HTR7: variants seen among roughly 807,000 people sequenced by gnomAD.
HTR7 encodes the protein 5-HT-7.
HTR7 carries 16 observed loss-of-function variants against 34.0 expected under a neutral mutation model. The observed-to-expected ratio is 0.47, with a 90% CI of 0.32 to 0.71. The LOEUF (loss-of-function observed/expected upper bound fraction) is 0.71. Ranked by LOEUF, HTR7 falls within the 30% of genes least tolerant of loss-of-function variation. The probability of loss-of-function intolerance (pLI) is 0.04; values close to 1 mark genes in which losing one functional copy is unlikely to be tolerated. For missense variants in HTR7, 504 were observed against 625.5 expected (o/e 0.81, Z 2.07); for synonymous variants, 265 against 260.2 (o/e 1.02, Z -0.18).
intron 1 of HTR7, among the ~76,000 whole-genome samples, chr10:90,839,175 G>A (rs1197106710): frequency 6.6e-6 from 1 of 152,164 alleles, no homozygotes; most frequent in African/African-American, 2.4e-5. Context: ...AGGGGCCTGT[G>A]GAACTCAGAA....
intron 1 of HTR7, among the ~76,000 whole-genome samples, chr10:90,810,369 C>T (rs1398068874): frequency 6.6e-6 from 1 of 152,082 alleles, no homozygotes; most frequent in Non-Finnish European, 1.5e-5. Context: ...GCAACCCTTA[C>T]CATCTCATTA....
intron 1 of HTR7, among the ~76,000 whole-genome samples, chr10:90,847,368 T>G (rs1846426742): frequency 6.6e-6 from 1 of 151,422 alleles, no homozygotes; most frequent in Non-Finnish European, 1.5e-5. Flanking sequence ...AAGCAGTTGG[T>G]GGCTAAGTGT....
At chr10:90,779,840 C>T (rs1047263244) in intron 1 of HTR7, among the ~76,000 whole-genome samples, 1 of 152,162 alleles carries the variant, frequency 6.6e-6, no homozygotes, top group Non-Finnish European at 1.5e-5. Context: ...ACACAAATGC[C>T]TAACACACAT....
Position 90,857,839 on chromosome 10 carries a change from GA to G in HTR7, c.-169del. 1.7e-6 allele frequency: 1 copy of G among 596,306 alleles called. No homozygotes were observed. Among genetic ancestry groups the G allele is most frequent in the Non-Finnish European group, 2.4e-6 (1 of 413,488 alleles). 36.9% of individuals were successfully genotyped at this position (596,306 alleles called of 1,614,324 possible). A position where few individuals can be genotyped will look rare whatever the true frequency, so the allele number is the denominator to read the frequency against. ...CTGTCTCGGAGCCCCGCACTCCCCG[GA>G]CCCCCGGCCGCTGCGGGTAACGCGG... On this transcript the variant is annotated 5_prime_UTR_variant, in exon 1 of 4. Transcript: ENST00000336152. The surrounding 1 kb of genome is among the most constrained non-coding windows in gnomAD (Gnocchi z 6.5).
chr10:90,777,239 T>A (rs1010069015), intron 1 of HTR7, among the ~76,000 whole-genome samples: 3 of 151,834 alleles, frequency 2.0e-5, no homozygotes, highest in African/African-American at 7.3e-5. Context: ...TCCCAGCACT[T>A]TGGGAGGCTG....
chr10:90,809,410 C>A (rs1158179553), intron 1 of HTR7, among the ~76,000 whole-genome samples: 1 of 152,154 alleles, frequency 6.6e-6, no homozygotes, highest in Non-Finnish European at 1.5e-5. Flanking sequence ...TCTTTACAGC[C>A]CTAGACCCTA....
At chr10:90,800,203 T>C (rs1294448950) in intron 1 of HTR7, among the ~76,000 whole-genome samples, 1 of 80,838 alleles carries the variant, frequency 1.2e-5, no homozygotes, top group Admixed American at 1.3e-4. Context: ...ATACATTGAT[T>C]TGAGAATGTA....
intron 1 of HTR7, among the ~76,000 whole-genome samples, chr10:90,802,862 T>C (rs1845650191): frequency 6.6e-6 from 1 of 152,222 alleles, no homozygotes; most frequent in Admixed American, 6.5e-5. Context: ...CATGGACAGC[T>C]TTTGATTTCC....
At position 90,857,446 on chromosome 10, in the gene HTR7, A is replaced by T. The variant is rs1327681567; in HGVS notation, c.226T>A (p.Tyr76Asn). 1.2e-6 allele frequency: 2 copies of T among 1,613,900 alleles called. No individual in the cohort carries two copies. The highest frequency in any genetic ancestry group is 2.7e-5 in the African/African-American group (2 of 74,948). ...ATCACAACTTTCTCGACTCTGCCGT[A>T]GTTGATCTGTTCCCCACAGCCGGAG... ...NASGCGEQIN[Y>N]GRVEKVVIGS... The change falls in exon 1 of 4, where the codon TAC becomes AAC. Residue 76 changes from tyrosine (Y) to asparagine (N), a missense_variant. Coordinates refer to ENST00000336152, the MANE Select transcript of HTR7 (RefSeq NM_019859.4). The surrounding 1 kb of genome is among the most constrained non-coding windows in gnomAD (Gnocchi z 6.5).
intron 1 of HTR7, among the ~76,000 whole-genome samples, chr10:90,802,571 G>A (rs920647311): frequency 2.0e-5 from 3 of 152,196 alleles, no homozygotes; most frequent in African/African-American, 7.2e-5. Context: ...AGATTTTAGA[G>A]ATCTCTTATT....
chr10:90,811,210 T>G (rs1202461592), intron 1 of HTR7, among the ~76,000 whole-genome samples: 2 of 152,170 alleles, frequency 1.3e-5, no homozygotes, highest in East Asian at 3.9e-4. Context: ...CCTGTAGCCT[T>G]TTTGTCCAAA....
chr10:90,799,146 A>G (rs1036627484), intron 1 of HTR7, among the ~76,000 whole-genome samples: 6 of 152,140 alleles, frequency 3.9e-5, no homozygotes, highest in African/African-American at 1.4e-4. Flanking sequence ...GCCCCTATCC[A>G]GGAACTAACA....
intron 3 of HTR7, among the ~76,000 whole-genome samples, chr10:90,742,965 T>A (rs112177811): frequency 4.9e-4 from 75 of 152,078 alleles, no homozygotes; most frequent in African/African-American, 1.8e-3. Context: ...CCAAGAAACT[T>A]CACTTCTCTC....
rs765828970 is a variant in HTR7 at position 90,857,529 on chromosome 10, A to C, written c.143T>G (p.Leu48Arg). 1 of 1,608,028 alleles carries C rather than the reference A, an allele frequency of 6.2e-7. No homozygotes were observed. Among genetic ancestry groups the C allele is most frequent in the Admixed American group, 1.7e-5 (1 of 59,408 alleles). Residue 48 changes from leucine to arginine, a missense_variant, in exon 1 of 4, where the codon CTG (leucine) becomes CGG (arginine). Transcript: ENST00000336152. This position sits in a 1 kb window ranked among gnomAD's most constrained non-coding sequence, Gnocchi z 6.5. ...CGGGCTGGCTGTCACCTCGCTCAGC[A>C]GGTGCGGCGCCCAGGAGCCCGCGAC... ...DPVAGSWAPH[L>R]LSEVTASPAP...
At chr10:90,856,272 G>A (rs1589485724) in intron 1 of HTR7, among the ~76,000 whole-genome samples, 1 of 152,318 alleles carries the variant, frequency 6.6e-6, no homozygotes, top group African/African-American at 2.4e-5. Context: ...AGGCCAAAGA[G>A]GATTGAGACC....
chr10:90,853,470 CT>C (rs1221280291), intron 1 of HTR7, among the ~76,000 whole-genome samples: 29 of 142,120 alleles, frequency 2.0e-4, no homozygotes, highest in Middle Eastern at 3.6e-3. Flanking sequence ...CTTTTCTTTT[CT>C]TTTTTTTTTT....
intron 1 of HTR7, among the ~76,000 whole-genome samples, chr10:90,835,767 G>A (rs1053370666): frequency 6.6e-6 from 1 of 152,150 alleles, no homozygotes; most frequent in African/African-American, 2.4e-5. Flanking sequence ...AAGCTCAGGG[G>A]ACTAAGGGAG....
At chr10:90,766,330 G>T (rs1845023897) in intron 1 of HTR7, among the ~76,000 whole-genome samples, 1 of 152,104 alleles carries the variant, frequency 6.6e-6, no homozygotes, top group Admixed American at 6.5e-5. Flanking sequence ...GATATAAGTG[G>T]ATCCACTGCT....
chr10:90,747,301 G>C (rs553665520), intron 2 of HTR7, among the ~76,000 whole-genome samples: 1 of 152,256 alleles, frequency 6.6e-6, no homozygotes, highest in South Asian at 2.1e-4. Flanking sequence ...TTAAGACATT[G>C]TTCCTTCTCT....
Sources: gnomAD v4.1 joint callset for allele counts (sites outside exome capture counted in the v4.1 genomes callset) on GRCh38, gnomAD v4.1.1 for gene constraint, Gnocchi (gnomAD v3.1) non-coding constraint, MANE v1.5 for transcripts, NCBI Gene and HGNC (gene_info 2026-07-23, HGNC 2026-07-21) for gene names.